The following RSF1 variants were observed in gnomAD, a reference collection of about 807,000 sequenced individuals.
RSF1 encodes HBV pX-associated protein 8.
In RSF1, 13 loss-of-function variants were observed where a neutral mutation model predicts 145.2. The ratio of observed to expected loss-of-function variants is 0.09; its 90% CI spans 0.06 to 0.14. The LOEUF (loss-of-function observed/expected upper bound fraction) is 0.14, where lower values mean the gene tolerates loss of function less well. Among genes scored for constraint, RSF1 ranks in the 10% least tolerant of loss-of-function variants. The probability of loss-of-function intolerance (pLI) is 1.00; values close to 1 mark genes in which losing one functional copy is unlikely to be tolerated. For synonymous variants in RSF1, 577 were observed against 592.6 expected (o/e 0.97, Z 0.38); for missense variants, 1,517 against 1,718.2 (o/e 0.88, Z 2.07).
At position 77,666,932 on chromosome 11, in the gene RSF1, G is replaced by A. The variant is rs766067214; in HGVS notation, c.4311C>T (p.Asn1437=). 20 of 1,575,738 alleles carry A rather than the reference G, an allele frequency of 1.3e-5. No homozygotes were observed. Among genetic ancestry groups the A allele is most frequent in the Non-Finnish European group, 1.6e-5 (19 of 1,157,450 alleles). The part of the protein sequence containing the change: ...RVTDLVDYVC[N]SEQL ...AAAAAAAGTCTTATAACTGTTCACT[G>A]TTACAGACATAATCAACAAGGTCAG... Residue 1437 remains asparagine (N), a synonymous_variant, in exon 16 of 16, where the codon AAC becomes AAT. Coordinates refer to ENST00000308488, the MANE Select transcript of RSF1 (RefSeq NM_016578.4).
chr11:77,693,316 G>A (rs548746523), intron 8 of RSF1, among the ~76,000 whole-genome samples, 191 bp downstream of exon 8: 11 of 152,174 alleles, frequency 7.2e-5, no homozygotes, highest in African/African-American at 2.6e-4. Flanking sequence ...GAGGGCTTTT[G>A]ATAACTGCTT....
intron 1 of RSF1, among the ~76,000 whole-genome samples, chr11:77,772,366 G>C (rs541836889): frequency 6.6e-6 from 1 of 152,014 alleles, no homozygotes; most frequent in African/African-American, 2.4e-5. Context: ...TACAGACAGG[G>C]TCCCACTATG....
intron 3 of RSF1, among the ~76,000 whole-genome samples, chr11:77,741,463 G>A (rs1947937849): frequency 6.6e-6 from 1 of 152,120 alleles, no homozygotes; most frequent in Non-Finnish European, 1.5e-5. Context: ...GGTTGAGGAT[G>A]CGGTGAGCTG....
At chr11:77,673,561 T>C (rs1959612173) in intron 14 of RSF1, among the ~76,000 whole-genome samples, 1 of 152,138 alleles carries the variant, frequency 6.6e-6, no homozygotes, top group South Asian at 2.1e-4. Flanking sequence ...TACACTGTCA[T>C]AAATAAACAA....
chr11:77,844,214 A>G, the RSF1 span, among the ~76,000 whole-genome samples: 12 of 152,174 alleles, frequency 7.9e-5, no homozygotes, highest in Non-Finnish European at 1.2e-4. Flanking sequence ...AATCTCATTC[A>G]TGAGGGCTCT....
upstream of RSF1, among the ~76,000 whole-genome samples, chr11:77,822,070 A>G (rs890840212): frequency 6.6e-6 from 1 of 152,164 alleles, no homozygotes; most frequent in African/African-American, 2.4e-5. Flanking sequence ...GAATTCCGCT[A>G]TATTTATTTA....
intron 5 of RSF1, among the ~76,000 whole-genome samples, chr11:77,725,026 C>T (rs1322136249): frequency 6.6e-6 from 1 of 152,050 alleles, no homozygotes; most frequent in Non-Finnish European, 1.5e-5. Flanking sequence ...TATGAATGAT[C>T]AAATTCATAA....
intron 6 of RSF1, among the ~76,000 whole-genome samples, chr11:77,699,198 A>T (rs774951868): frequency 5.9e-5 from 9 of 152,178 alleles, no homozygotes; most frequent in Non-Finnish European, 1.3e-4. Flanking sequence ...TTCATGTAAA[A>T]ATTTAAAATC....
At chr11:77,699,431 A>G (rs1960360292) in intron 6 of RSF1, among the ~76,000 whole-genome samples, 1 of 152,256 alleles carries the variant, frequency 6.6e-6, no homozygotes, top group Non-Finnish European at 1.5e-5. Context: ...GAAAACATTA[A>G]AAATTCAGTA....
chr11:77,692,738 C>T (rs1402240599), intron 8 of RSF1, among the ~76,000 whole-genome samples: 1 of 149,612 alleles, frequency 6.7e-6, no homozygotes, highest in Non-Finnish European at 1.5e-5. Flanking sequence ...AGTACAATGG[C>T]GTGATCTTGG....
intron 1 of RSF1, among the ~76,000 whole-genome samples, chr11:77,816,079 ATC>A (rs759987206): frequency 2.0e-5 from 3 of 152,152 alleles, no homozygotes; most frequent in Admixed American, 6.5e-5. Flanking sequence ...TGGAGATGAA[ATC>A]TGTTTCTCTC....
In RSF1 at chr11:77,806,403, A is replaced by G. The variant is rs1590898385; in HGVS notation, c.187+14125T>C. On this transcript the variant is annotated intron_variant, in intron 1 of 15. Coordinates refer to ENST00000308488, the MANE Select transcript of RSF1 (RefSeq NM_016578.4). Reference sequence around the variant, plus strand: ...CATGCAGTTAAGACATGGTATAACCAAATAACCCAAAAAATGAGTTGAGTG... The same window carrying G: ...CATGCAGTTAAGACATGGTATAACCGAATAACCCAAAAAATGAGTTGAGTG... Among the ~76,000 whole-genome samples the G allele has an allele frequency of 3.3e-5, 5 of 152,342 alleles. No homozygotes were observed. The East Asian group carries it at 7.7e-4, about 23-fold the overall frequency.
In RSF1 at chr11:77,754,125, G is replaced by A. The variant is rs895904595; in HGVS notation, c.280-6997C>T. ...TTCAGCTGCTCTACATGGGCAGGGG[G>A]CATTGATTGGGTAGTTCTACCATCA... is the stretch of plus-strand genomic sequence containing the variant. On this transcript the variant is annotated intron_variant, in intron 2 of 15. Coordinates refer to ENST00000308488, the MANE Select transcript of RSF1 (RefSeq NM_016578.4). Among the ~76,000 whole-genome samples, 3 of 152,296 alleles carry A rather than the reference G, an allele frequency of 2.0e-5. No individual in the cohort carries two copies. In the South Asian group the frequency reaches 6.2e-4, roughly 32 times the overall value.
intron 4 of RSF1, among the ~76,000 whole-genome samples, chr11:77,730,489 A>C (rs1961178625): frequency 6.6e-6 from 1 of 152,226 alleles, no homozygotes; most frequent in Non-Finnish European, 1.5e-5. Flanking sequence ...AACATAAGGA[A>C]TATCACTATT....
chr11:77,812,486 T>C (rs1015651125), intron 1 of RSF1, among the ~76,000 whole-genome samples: 15 of 152,330 alleles, frequency 9.8e-5, no homozygotes, highest in South Asian at 8.3e-4. Flanking sequence ...GAGCCATATA[T>C]ACATTATATA....
chr11:77,703,879 C>G (rs1289128957), intron 5 of RSF1, among the ~76,000 whole-genome samples: 2 of 152,208 alleles, frequency 1.3e-5, no homozygotes, highest in African/African-American at 4.8e-5. Flanking sequence ...CATGTTTTCT[C>G]TTTCCCACTG....
At position 77,701,796 on chromosome 11, in the gene RSF1, C is replaced by T. The variant is rs762426919; in HGVS notation, c.1433G>A (p.Arg478Lys). The T allele has an allele frequency of 6.2e-7, 1 of 1,614,004 alleles. No homozygotes were observed. The highest frequency in any genetic ancestry group is 8.5e-7 in the Non-Finnish European group (1 of 1,179,970). Residue 478 changes from arginine to lysine, a missense_variant, in exon 6 of 16, where the codon AGA (arginine) becomes AAA (lysine). By Grantham distance (26) the Arg-to-Lys change is conservative. This residue lies in a region of RSF1 where 579 missense variants were observed against 553.5 expected (regional missense o/e 1.05). Transcript: ENST00000308488. ...TCCATTTCCCTCCGTGATGATATTT[C>T]TGTCCTTAGAGGGGCTATAGCTCTC... ...KEESYSPSKD[R>K]NIITEGNGTE...
chr11:77,766,467 CTACT>C (rs570117769), intron 1 of RSF1, among the ~76,000 whole-genome samples: 2,031 of 152,194 alleles, frequency 0.013, 24 homozygotes, highest in Non-Finnish European at 0.022. Context: ...TTTAATGAGC[CTACT>C]TGAGTGAATC....
chr11:77,753,545 C>G (rs1485048053), intron 2 of RSF1, among the ~76,000 whole-genome samples: 1 of 152,114 alleles, frequency 6.6e-6, no homozygotes, highest in Non-Finnish European at 1.5e-5. Context: ...AAATGAGGCC[C>G]AATACAAATC....
Sources: allele counts gnomAD v4.1 joint callset (sites outside exome capture counted in the v4.1 genomes callset), GRCh38; gene constraint gnomAD v4.1.1; regional missense constraint gnomAD v4.1.1; transcripts MANE v1.5; gene names NCBI Gene and HGNC (gene_info 2026-07-23, HGNC 2026-07-21).